The following ZBTB20 variants were observed in gnomAD, a reference collection of about 807,000 sequenced individuals.
ZBTB20 encodes zinc finger and BTB domain containing 20, also known as zinc finger and BTB domain-containing protein 20.
ZBTB20 carries 9 observed loss-of-function variants against 56.9 expected under a neutral mutation model. That is an observed-to-expected ratio of 0.16 (90% CI 0.10 to 0.28). ZBTB20 has a LOEUF of 0.28. ZBTB20 is among the 10% of genes least tolerant of loss of function. The probability of loss-of-function intolerance (pLI) is 1.00; values close to 1 mark genes in which losing one functional copy is unlikely to be tolerated. For missense variants in ZBTB20, 655 were observed against 1,003.0 expected (o/e 0.65, Z 4.69); for synonymous variants, 417 against 420.7 (o/e 0.99, Z 0.11).
chr3:114,892,225 C>T (rs533479532), intron 4 of ZBTB20, among the ~76,000 whole-genome samples: 13 of 152,248 alleles, frequency 8.5e-5, no homozygotes, highest in African/African-American at 2.6e-4. Flanking sequence ...TTTTACATTC[C>T]GTCTTGCTAA....
At chr3:114,993,725 C>G (rs2108169642) in intron 2 of ZBTB20, among the ~76,000 whole-genome samples, 1 of 151,900 alleles carries the variant, frequency 6.6e-6, no homozygotes, top group East Asian at 1.9e-4. Context: ...AATAAAGGCA[C>G]TACATATCAA....
intron 4 of ZBTB20, among the ~76,000 whole-genome samples, chr3:114,805,444 A>G (rs2072029156): frequency 6.6e-6 from 1 of 151,776 alleles, no homozygotes; most frequent in African/African-American, 2.4e-5. Context: ...CAATCCCGTA[A>G]CTAGATTCGG....
chr3:115,096,904 C>T (rs2083400004), intron 1 of ZBTB20, among the ~76,000 whole-genome samples: 1 of 152,162 alleles, frequency 6.6e-6, no homozygotes, highest in Non-Finnish European at 1.5e-5. Context: ...GATAAATAAA[C>T]AGGAATGCCA....
At chr3:114,353,149 T>C (rs2080856377) in intron 10 of ZBTB20, among the ~76,000 whole-genome samples, 2 of 152,210 alleles carry the variant, frequency 1.3e-5, no homozygotes, top group African/African-American at 4.8e-5. Context: ...ATTCTTGCCT[T>C]TACAACTGAA....
chr3:115,035,257 A>G (rs1245876452), intron 2 of ZBTB20, among the ~76,000 whole-genome samples: 1 of 152,094 alleles, frequency 6.6e-6, no homozygotes, highest in Non-Finnish European at 1.5e-5. Flanking sequence ...CTCAAAAGTC[A>G]CCATCAACAG....
At chr3:114,551,381 T>C (rs1200805694) in intron 6 of ZBTB20, among the ~76,000 whole-genome samples, 1 of 152,200 alleles carries the variant, frequency 6.6e-6, no homozygotes, top group Admixed American at 6.5e-5. Flanking sequence ...GACAAATTTA[T>C]AGACAATTAT....
Position 114,814,004 on chromosome 3 carries a change from A to G in ZBTB20, c.-416-12830T>C, listed in dbSNP as rs184327991. ...TCCTTTGTTGCTAATGAAAGTTAAT[A>G]TTTATCTTGATATTTACATTATAAT... On this transcript the variant is annotated intron_variant, in intron 4 of 11. Coordinates refer to ENST00000675478, the MANE Select transcript of ZBTB20 (RefSeq NM_001348800.3). Among the ~76,000 whole-genome samples the G allele has an allele frequency of 3.7e-3, 558 of 152,052 alleles. 5 individuals carry two copies. Among genetic ancestry groups the G allele is most frequent in the South Asian group, 7.0e-3 (34 of 4,824 alleles).
At chr3:114,839,410 A>AGAAAGAAAGAAAGAAC (rs2108991232) in intron 4 of ZBTB20, among the ~76,000 whole-genome samples, 1 of 123,152 alleles carries the variant, frequency 8.1e-6, no homozygotes, top group East Asian at 2.2e-4. Context: ...CCTGTCTGAA[A>AGAAAGAAAGAAAGAAC]GAAAGAAAGA....
intron 6 of ZBTB20, among the ~76,000 whole-genome samples, chr3:114,590,022 T>C (rs1164756597): frequency 6.6e-6 from 1 of 152,156 alleles, no homozygotes; most frequent in Non-Finnish European, 1.5e-5. Context: ...TCTGAGTATA[T>C]TGGTAATGGG....
At chr3:114,365,695 G>T (rs1472730578) in intron 10 of ZBTB20, among the ~76,000 whole-genome samples, 1 of 152,148 alleles carries the variant, frequency 6.6e-6, no homozygotes, top group Non-Finnish European at 1.5e-5. Context: ...GTTGTTTCAA[G>T]GTTTGCTAGA....
At chr3:114,970,616 G>A (rs1453321057) in intron 3 of ZBTB20, among the ~76,000 whole-genome samples, 1 of 152,092 alleles carries the variant, frequency 6.6e-6, no homozygotes, top group East Asian at 1.9e-4. Context: ...TCATTCTACT[G>A]GTACGTAAGT....
At chr3:114,680,403 C>T (rs967065378) in intron 6 of ZBTB20, among the ~76,000 whole-genome samples, 1 of 152,180 alleles carries the variant, frequency 6.6e-6, no homozygotes, top group African/African-American at 2.4e-5. Flanking sequence ...CTATTTATCT[C>T]CAAGTTTCTT....
chr3:114,575,710 A>G (rs2053942888), intron 6 of ZBTB20, among the ~76,000 whole-genome samples: 1 of 152,214 alleles, frequency 6.6e-6, no homozygotes, highest in Admixed American at 6.5e-5. Flanking sequence ...ATTGCTATAT[A>G]TATTCAAGAA....
At chr3:115,022,601 C>T (rs573378257) in intron 2 of ZBTB20, among the ~76,000 whole-genome samples, 9 of 151,010 alleles carry the variant, frequency 6.0e-5, no homozygotes, top group Non-Finnish European at 1.3e-4. Flanking sequence ...CCCTTATCTT[C>T]ATTTCTTCAC....
chr3:114,617,601 G>A (rs905193989), intron 6 of ZBTB20, among the ~76,000 whole-genome samples: 3 of 152,106 alleles, frequency 2.0e-5, no homozygotes, highest in African/African-American at 7.2e-5. Flanking sequence ...TCTTTGTATT[G>A]TAAATGACAA....
intron 4 of ZBTB20, among the ~76,000 whole-genome samples, chr3:114,822,819 G>A (rs1452342369): frequency 6.6e-6 from 1 of 151,972 alleles, no homozygotes. Context: ...AGTATAATGA[G>A]ACTTCTACAA....
At chr3:114,659,426 G>A (rs981508029) in intron 6 of ZBTB20, among the ~76,000 whole-genome samples, 6 of 152,206 alleles carry the variant, frequency 3.9e-5, no homozygotes, top group Non-Finnish European at 8.8e-5. Context: ...CTAACTTTCC[G>A]CCCTCTGACA....
At chr3:114,723,810 TA>T (rs2065079613) in intron 5 of ZBTB20, among the ~76,000 whole-genome samples, 1 of 152,182 alleles carries the variant, frequency 6.6e-6, no homozygotes. Flanking sequence ...AATAAAATAA[TA>T]AAAAGCTTAT....
chr3:114,659,319 T>A (rs892480601), intron 6 of ZBTB20, among the ~76,000 whole-genome samples: 6 of 152,172 alleles, frequency 3.9e-5, no homozygotes, highest in African/African-American at 1.4e-4. Context: ...CATTAGGTAA[T>A]ATTTGTTCTC....
Sources: allele counts gnomAD v4.1 joint callset (sites outside exome capture counted in the v4.1 genomes callset), GRCh38; gene constraint gnomAD v4.1.1; transcripts MANE v1.5; gene names NCBI Gene and HGNC (gene_info 2026-07-23, HGNC 2026-07-21).